The following STAT5B variants were observed in gnomAD, a reference collection of about 807,000 sequenced individuals.
The protein encoded by STAT5B is signal transducer and activator of transcription 5B, also known as transcription factor STAT5B.
STAT5B carries 21 observed loss-of-function variants against 107.8 expected under a neutral mutation model. The ratio of observed to expected loss-of-function variants is 0.19; its 90% confidence interval spans 0.14 to 0.28. The LOEUF (loss-of-function observed/expected upper bound fraction) is 0.28. Ranked by LOEUF, STAT5B falls within the 10% of genes least tolerant of loss-of-function variation. The probability of loss-of-function intolerance (pLI) is 1.00; values close to 1 mark genes in which losing one functional copy is unlikely to be tolerated. For synonymous variants in STAT5B, 325 were observed against 401.7 expected, an observed-to-expected ratio of 0.81 and a Z score of 2.28; for missense variants, 565 against 1,008.2, an observed-to-expected ratio of 0.56 and a Z score of 5.95.
chr17:42,246,280 C>G (rs2080450957), intron 1 of STAT5B, among the ~76,000 whole-genome samples: 1 of 151,920 alleles, frequency 6.6e-6, no homozygotes, highest in Non-Finnish European at 1.5e-5. Context: ...ACTGTCTTAC[C>G]TGGGCAGCCT....
Position 42,217,459 on chromosome 17 carries a change from T to G in STAT5B, c.1175A>C (p.Tyr392Ser), listed in dbSNP as rs1200325629. 1 of 1,614,094 alleles carries G rather than the reference T, an allele frequency of 6.2e-7. No homozygotes were observed. ...GCAGTTGTTCAAGATCTCGCCACTG[T>G]AATCACTGCAAATCAGAGAGAGACC... ...LLKNENTRND[Y>S]SGEILNNCCV... The change falls in exon 10 of 19, where the codon TAC (tyrosine) becomes TCC (serine). Residue 392 changes from tyrosine (Y) to serine (S), a missense_variant. Physicochemically the swap from Tyr to Ser is moderately radical, Grantham distance 144. This residue lies in a region of STAT5B where 70 missense variants were observed against 73.2 expected (regional missense o/e 0.96). Coordinates refer to ENST00000293328, the MANE Select transcript of STAT5B (RefSeq NM_012448.4).
chr17:42,213,504 G>A (rs2080145882), intron 12 of STAT5B, among the ~76,000 whole-genome samples: 2 of 151,814 alleles, frequency 1.3e-5, no homozygotes, highest in Admixed American at 1.3e-4. Context: ...ACTGTGCCTG[G>A]CCACAAGTCT....
At chr17:42,202,904 C>G in intron 16 of STAT5B, 96 bp from the exon 17 acceptor site, 5 of 1,474,410 alleles carry the variant, frequency 3.4e-6, no homozygotes, top group Non-Finnish European at 4.7e-6. Flanking sequence ...CAGAACACAA[C>G]CACCTAACTT....
chr17:42,251,373 C>T (rs1311047814), intron 1 of STAT5B, among the ~76,000 whole-genome samples: 2 of 152,182 alleles, frequency 1.3e-5, no homozygotes, highest in Non-Finnish European at 2.9e-5. Flanking sequence ...CTTTGTTAAA[C>T]TTGTTCGCAA....
intron 12 of STAT5B, among the ~76,000 whole-genome samples, chr17:42,215,319 T>C (rs539787009): frequency 3.7e-4 from 57 of 152,302 alleles, no homozygotes; most frequent in African/African-American, 1.2e-3. Flanking sequence ...ATCCCATTCA[T>C]AGTTTCACCC....
chr17:42,217,624 C>T (rs2144242903), intron 9 of STAT5B, 160 bp from the exon 10 acceptor site: 10 of 726,386 alleles, frequency 1.4e-5, no homozygotes, highest in South Asian at 9.3e-5. Flanking sequence ...GTAATCTTCT[C>T]GGACGTATCT....
At chr17:42,219,275 C>T (rs746711737) in intron 7 of STAT5B, 37 bp downstream of exon 7, 1 of 1,591,078 alleles carries the variant, frequency 6.3e-7, no homozygotes, top group East Asian at 2.3e-5. Flanking sequence ...CCCACCAGCC[C>T]CTCCTGCCCT....
At chr17:42,282,200 T>C in the STAT5B span, among the ~76,000 whole-genome samples, 9 of 152,304 alleles carry the variant, frequency 5.9e-5, no homozygotes, top group East Asian at 1.5e-3. Context: ...GACATAGCCC[T>C]TTAGGCAATG....
At chr17:42,283,484 A>G in the STAT5B span, among the ~76,000 whole-genome samples, 1 of 152,206 alleles carries the variant, frequency 6.6e-6, no homozygotes, top group Non-Finnish European at 1.5e-5. Flanking sequence ...CAGGCTGGGC[A>G]GCTGGGCAGA....
upstream of STAT5B, among the ~76,000 whole-genome samples, chr17:42,278,984 A>G (rs753508304): frequency 5.3e-5 from 8 of 151,250 alleles, no homozygotes; most frequent in Admixed American, 1.3e-4. Flanking sequence ...CATCTCAAAA[A>G]AAAAAAAATA....
At chr17:42,210,567 T>C in intron 13 of STAT5B, 70 bp from the exon 14 acceptor site, 4 of 1,372,254 alleles carry the variant, frequency 2.9e-6, no homozygotes, top group South Asian at 1.2e-5. Context: ...ACATATTTAA[T>C]TGGAAAAATT....
chr17:42,282,233 C>G, the STAT5B span, among the ~76,000 whole-genome samples: 1 of 152,166 alleles, frequency 6.6e-6, no homozygotes, highest in South Asian at 2.1e-4. Context: ...AAGAAGGGGC[C>G]TGTAATACAG....
rs143394521 is a variant in STAT5B, at chr17:42,215,012, T to C, written c.1473+1002A>G. Among the ~76,000 whole-genome samples the C allele has an allele frequency of 2.9e-3, 440 of 152,292 alleles. 3 individuals carry two copies. The highest frequency in any genetic ancestry group is 0.01 in the African/African-American group (426 of 41,566). On this transcript the variant is annotated intron_variant, in intron 12 of 18. Transcript: ENST00000293328. ...TGCCTGCCTTGGCCTCCTGGAGTGC[T>C]GGGATTATAGGCATGAGCCACCGCA...
At chr17:42,240,052 T>G (rs543260774) in intron 1 of STAT5B, among the ~76,000 whole-genome samples, 3 of 152,296 alleles carry the variant, frequency 2.0e-5, no homozygotes, top group African/African-American at 7.2e-5. Flanking sequence ...GGGAATTGCT[T>G]GAATCTGGGA....
intron 2 of STAT5B, among the ~76,000 whole-genome samples, chr17:42,228,225 A>C (rs1185030813): frequency 6.6e-6 from 1 of 152,206 alleles, no homozygotes; most frequent in Non-Finnish European, 1.5e-5. Flanking sequence ...GGGTGCCTAC[A>C]AGAATTTATA....
rs534342062 is a variant in STAT5B at position 42,274,281 on chromosome 17, C to CAA, written c.-11+1965_-11+1966dup. Among the ~76,000 whole-genome samples, 189 of 62,516 alleles carry CAA rather than the reference C, an allele frequency of 3.0e-3. 8 individuals carry two copies. The highest frequency in any genetic ancestry group is 5.1e-3 in the Admixed American group (24 of 4,686). The allele number at this position is 62,516 out of a possible 152,430, so 41.0% of individuals were successfully genotyped here. A position where few individuals can be genotyped will look rare whatever the true frequency, so the allele number is the denominator to read the frequency against. On this transcript the variant is annotated intron_variant, in intron 1 of 18. Transcript: ENST00000293328. ...TTTTTTTTTCTGATGGTTTGCTTTA[C>CAA]AAAAAAAAAAAAAAAAAAAAAAAAA... is the stretch of plus-strand genomic sequence containing the variant.
At chr17:42,266,370 T>A (rs1290943296) in intron 1 of STAT5B, among the ~76,000 whole-genome samples, 2 of 151,306 alleles carry the variant, frequency 1.3e-5, no homozygotes, top group African/African-American at 2.4e-5. Flanking sequence ...CTTTAAAAAA[T>A]AATAATAATA....
chr17:42,271,274 T>G (rs973416975), intron 1 of STAT5B: 3 of 152,252 alleles, frequency 2.0e-5, no homozygotes, highest in African/African-American at 7.2e-5. Flanking sequence ...TGTCCTGTTA[T>G]CATTACAGGG....
At chr17:42,209,217 T>C (rs1469659236) in intron 15 of STAT5B, among the ~76,000 whole-genome samples, 1 of 151,488 alleles carries the variant, frequency 6.6e-6, no homozygotes, top group Admixed American at 6.6e-5. Flanking sequence ...CTAATTAACT[T>C]ATTTATTTAT....
Sources: allele counts gnomAD v4.1 joint callset (sites outside exome capture counted in the v4.1 genomes callset), GRCh38; gene constraint gnomAD v4.1.1; regional missense constraint gnomAD v4.1.1; transcripts MANE v1.5; gene names NCBI Gene and HGNC (gene_info 2026-07-23, HGNC 2026-07-21).